Variants in MAST2 observed in about 807,000 individuals in gnomAD.
MAST2 encodes microtubule-associated serine/threonine-protein kinase 2.
Under a neutral mutation model 147.4 loss-of-function variants are expected in MAST2, and 70 were observed. That is an observed-to-expected ratio of 0.47 (90% CI 0.39 to 0.58). MAST2 has a LOEUF of 0.58. MAST2 is among the 20% of genes least tolerant of loss of function. The pLI is 0.00. For synonymous variants in MAST2, 869 were observed against 896.8 expected (o/e 0.97, Z 0.55); for missense variants, 2,080 against 2,302.3 (o/e 0.90, Z 1.98).
chr1:45,847,702 C>A (rs1162240937), intron 3 of MAST2: 2 of 292,096 alleles, frequency 6.8e-6, no homozygotes, highest in African/African-American at 2.3e-5. Context: ...GTACCCGTGC[C>A]AAATCCCCCT....
chr1:46,006,182 A>G, intron 7 of MAST2, 59 bp from the exon 8 acceptor site: 2 of 1,501,980 alleles, frequency 1.3e-6, no homozygotes, highest in Non-Finnish European at 1.8e-6. Flanking sequence ...GTCCTTCCCC[A>G]TTCTTGGACT....
chr1:45,948,411 A>C (rs1021750805), intron 4 of MAST2, among the ~76,000 whole-genome samples: 1 of 152,056 alleles, frequency 6.6e-6, no homozygotes, highest in African/African-American at 2.4e-5. Context: ...TTATTTAAAA[A>C]ATTATATGGA....
chr1:45,894,135 G>C (rs1557876850), intron 4 of MAST2, among the ~76,000 whole-genome samples: 2 of 151,884 alleles, frequency 1.3e-5, no homozygotes, highest in African/African-American at 2.4e-5. Context: ...AGGATTGCTT[G>C]AGCCTGGGAG....
intron 5 of MAST2, among the ~76,000 whole-genome samples, chr1:45,982,157 G>T (rs1339026327): frequency 1.3e-5 from 2 of 152,004 alleles, no homozygotes; most frequent in African/African-American, 4.8e-5. Context: ...CTGTAATTTT[G>T]GCCTTTTAAG....
At chr1:45,923,057 C>T (rs1195860023) in intron 4 of MAST2, among the ~76,000 whole-genome samples, 8 of 152,172 alleles carry the variant, frequency 5.3e-5, no homozygotes, top group Admixed American at 1.3e-4. Flanking sequence ...CTCTGTGTCT[C>T]GGGCCAGACC....
Position 46,035,874 on chromosome 1 carries a change from G to C in MAST2, c.5205G>C (p.Val1735=). ...WLWESECAQA[V]KEDPALSITQ... ...GGGAGTCTGAGTGTGCACAAGCAGT[G>C]AAAGAGGATCCAGCCCTGAGCATCA... is the stretch of plus-strand genomic sequence containing the variant. The change falls in exon 29 of 29, where the codon GTG becomes GTC. Residue 1735 remains valine, a synonymous_variant. Coordinates refer to ENST00000361297, the MANE Select transcript of MAST2 (RefSeq NM_015112.3). The surrounding 1 kb of genome is among the most constrained non-coding windows in gnomAD (Gnocchi z 5.5). 1 of 1,614,104 alleles carries C rather than the reference G, an allele frequency of 6.2e-7. No individual in the cohort carries two copies. The highest frequency in any genetic ancestry group is 8.5e-7 in the Non-Finnish European group (1 of 1,180,030).
At chr1:46,029,316 A>G (rs1474015741) in intron 18 of MAST2, 150 bp from the exon 19 acceptor site, 18 of 610,924 alleles carry the variant, frequency 2.9e-5, no homozygotes, top group African/African-American at 3.7e-5. Context: ...AACCTATAGA[A>G]TTTAAGGACT....
intron 5 of MAST2, among the ~76,000 whole-genome samples, chr1:45,994,751 A>G (rs1400841697): frequency 6.6e-6 from 1 of 152,206 alleles, no homozygotes; most frequent in Non-Finnish European, 1.5e-5. Context: ...CTTCCCAGGA[A>G]CTGGGTACTA....
rs765514830 is a variant in MAST2, at chr1:46,031,077, C to A, written c.2779C>A (p.Arg927=). The A allele has an allele frequency of 2.5e-6, 4 of 1,613,308 alleles. No individual in the cohort carries two copies. The highest frequency in any genetic ancestry group is 1.7e-5 in the Admixed American group (1 of 59,944). ...ESDSSPPMTV[R]RRCSGLLDAP... ...TGACTCAAGCCCTCCAATGACAGTG[C>A]GACGCCGCTGCTCAGGCCTCCTGGA... The change falls in exon 23 of 29, where the codon CGA becomes AGA. Residue 927 remains arginine, a synonymous_variant. Coordinates refer to ENST00000361297, the MANE Select transcript of MAST2 (RefSeq NM_015112.3). The surrounding 1 kb of genome is among the most constrained non-coding windows in gnomAD (Gnocchi z 4.1).
At chr1:45,849,331 T>C (rs1481304673) in intron 3 of MAST2, among the ~76,000 whole-genome samples, 1 of 152,082 alleles carries the variant, frequency 6.6e-6, no homozygotes, top group Non-Finnish European at 1.5e-5. Flanking sequence ...AACTTCAAAC[T>C]GTACTATAGG....
At chr1:45,964,422 A>T (rs140410779) in intron 5 of MAST2, among the ~76,000 whole-genome samples, 1 of 152,192 alleles carries the variant, frequency 6.6e-6, no homozygotes, top group African/African-American at 2.4e-5. Context: ...AAGAGATTCA[A>T]CTTCCTCCTG....
At chr1:45,937,701 G>A (rs1197261433) in intron 4 of MAST2, among the ~76,000 whole-genome samples, 9 of 124,318 alleles carry the variant, frequency 7.2e-5, no homozygotes, top group Middle Eastern at 5.3e-3. Flanking sequence ...GCAGTGAGCC[G>A]AGATCACACC....
At chr1:46,014,473 A>G (rs1472026860) in intron 10 of MAST2, among the ~76,000 whole-genome samples, 3 of 151,024 alleles carry the variant, frequency 2.0e-5, no homozygotes, top group Non-Finnish European at 4.4e-5. Flanking sequence ...ATGATTTCCA[A>G]TTTCATCCAT....
chr1:45,804,128 G>T, intron 1 of MAST2, 56 bp downstream of exon 1: 3 of 1,261,704 alleles, frequency 2.4e-6, no homozygotes, highest in Non-Finnish European at 2.0e-6. Context: ...TGGGGGAGGG[G>T]ATCTTCGGCG....
In MAST2 at chr1:45,810,810, CAAAAA is replaced by C. The variant is rs909997197; in HGVS notation, c.177+6753_177+6757del. The stretch of plus-strand genomic sequence containing the variant: ...TGGGCGACAGAGCGAGACTCCATCT[CAAAAA>C]AAAAAAAAAAAAAAGGATAATAAGT... On this transcript the variant is annotated intron_variant, in intron 1 of 28. Transcript: ENST00000361297. 8.4e-5 allele frequency among the ~76,000 whole-genome samples: 3 copies of C among 35,598 alleles called. No homozygotes were observed. In the East Asian group the frequency reaches 2.7e-3, roughly 32 times the overall value. The allele number at this position is 35,598 out of a possible 152,430, so 23.4% of individuals were successfully genotyped here.
intron 3 of MAST2, among the ~76,000 whole-genome samples, chr1:45,830,282 C>T (rs1644915996): frequency 7.2e-6 from 1 of 138,698 alleles, no homozygotes; most frequent in South Asian, 2.3e-4. Flanking sequence ...TCAAGTGATT[C>T]TCCTGCCTCA....
intron 4 of MAST2, among the ~76,000 whole-genome samples, chr1:45,924,934 C>T (rs1391226064): frequency 6.6e-6 from 1 of 152,144 alleles, no homozygotes; most frequent in African/African-American, 2.4e-5. Flanking sequence ...TGCTAATGCC[C>T]TTATCTTGGA....
intron 3 of MAST2, among the ~76,000 whole-genome samples, chr1:45,853,025 G>T (rs931065305): frequency 1.2e-4 from 18 of 152,156 alleles, no homozygotes; most frequent in African/African-American, 4.3e-4. Flanking sequence ...CTGTCTCCCA[G>T]GTTAAAGTGA....
intron 4 of MAST2, among the ~76,000 whole-genome samples, chr1:45,930,587 A>C (rs1655137668): frequency 6.6e-6 from 1 of 152,148 alleles, no homozygotes. Flanking sequence ...GGTAGAGTAA[A>C]AGGGATGCTT....
Sources: gnomAD v4.1 joint callset for allele counts (sites outside exome capture counted in the v4.1 genomes callset) on GRCh38, gnomAD v4.1.1 for gene constraint, Gnocchi (gnomAD v3.1) non-coding constraint, MANE v1.5 for transcripts, NCBI Gene and HGNC (gene_info 2026-07-23, HGNC 2026-07-21) for gene names.